Variants in ROCK2 observed in about 807,000 individuals in gnomAD.
ROCK2 encodes the protein rho-associated protein kinase 2.
In ROCK2, 61 loss-of-function variants were observed where a neutral mutation model predicts 195.1. The ratio of observed to expected loss-of-function variants is 0.31; its 90% CI spans 0.25 to 0.39. The LOEUF is 0.39. ROCK2 is among the 10% of genes least tolerant of loss of function. The probability of loss-of-function intolerance (pLI) is 1.00; values close to 1 mark genes in which losing one functional copy is unlikely to be tolerated. For missense variants in ROCK2, 1,109 were observed against 1,637.4 expected, an observed-to-expected ratio of 0.68 and a Z score of 5.57; for synonymous variants, 504 against 545.5, an observed-to-expected ratio of 0.92 and a Z score of 1.06.
chr2:11,294,029 C>T (rs578207679), intron 1 of ROCK2, among the ~76,000 whole-genome samples: 8 of 152,056 alleles, frequency 5.3e-5, no homozygotes, highest in Admixed American at 2.0e-4. Context: ...TGGTGGCGGG[C>T]GCCTGTAGTC....
chr2:11,316,146 G>C (rs770383976), intron 1 of ROCK2, among the ~76,000 whole-genome samples: 5 of 152,012 alleles, frequency 3.3e-5, no homozygotes, highest in Non-Finnish European at 7.4e-5. Flanking sequence ...TGAGAAGTTG[G>C]AAAATGGGTA....
At chr2:11,186,936 C>A (rs1231789260) in intron 32 of ROCK2, among the ~76,000 whole-genome samples, 2 of 152,158 alleles carry the variant, frequency 1.3e-5, no homozygotes, top group Non-Finnish European at 2.9e-5. Flanking sequence ...ATATTATAAA[C>A]AGCATTTTAC....
intron 9 of ROCK2, among the ~76,000 whole-genome samples, chr2:11,219,789 A>G (rs1270250360): frequency 6.6e-6 from 1 of 151,656 alleles, no homozygotes; most frequent in Non-Finnish European, 1.5e-5. Context: ...TGGCTTCCCA[A>G]TGCCAGGCGG....
chr2:11,207,429 AGAGCCCTGAG>A, intron 20 of ROCK2, among the ~76,000 whole-genome samples: 1 of 152,346 alleles, frequency 6.6e-6, no homozygotes, highest in African/African-American at 2.4e-5. Context: ...AGCTTGAGAA[AGAGCCCTGAG>A]GAGGAATCTA....
chr2:11,331,699 G>C (rs1009478776), intron 1 of ROCK2, among the ~76,000 whole-genome samples: 1 of 152,170 alleles, frequency 6.6e-6, no homozygotes, highest in African/African-American at 2.4e-5. Context: ...GGCCAAGGCG[G>C]GTGGATCACG....
At chr2:11,295,982 GA>G (rs1667505454) in intron 1 of ROCK2, among the ~76,000 whole-genome samples, 1 of 68,052 alleles carries the variant, frequency 1.5e-5, no homozygotes, top group Admixed American at 1.8e-4. Flanking sequence ...GAGAGAGAGA[GA>G]GAGAGAGGAG....
chr2:11,252,520 T>C (rs886728879), intron 3 of ROCK2, among the ~76,000 whole-genome samples: 11 of 152,196 alleles, frequency 7.2e-5, no homozygotes, highest in African/African-American at 2.7e-4. Flanking sequence ...ATTGCAGCAC[T>C]GTTCACAACA....
intron 5 of ROCK2, among the ~76,000 whole-genome samples, chr2:11,233,165 G>GATT (rs1228892547): frequency 8.5e-5 from 13 of 152,166 alleles, no homozygotes; most frequent in Non-Finnish European, 1.8e-4. Flanking sequence ...AGTGAGCTAT[G>GATT]ATTACACCAC....
chr2:11,213,931 T>A (rs1242170097), intron 17 of ROCK2, among the ~76,000 whole-genome samples: 1 of 152,152 alleles, frequency 6.6e-6, no homozygotes, highest in Non-Finnish European at 1.5e-5. Context: ...TTTAGCTGAG[T>A]AAATAAATAA....
In ROCK2 at chr2:11,282,993, G is replaced by A. The variant is rs148749703; in HGVS notation, c.324+3546C>T. On this transcript the variant is annotated intron_variant, in intron 3 of 32. Coordinates refer to ENST00000315872, the MANE Select transcript of ROCK2 (RefSeq NM_004850.5). The stretch of plus-strand genomic sequence containing the variant: ...ATCAAAGAAGATATACAGGCTAGGC[G>A]TGGTGGCTCATGCCTATAATCCCAG... Among the ~76,000 whole-genome samples the A allele has an allele frequency of 1.2e-3, 185 of 152,304 alleles. 1 individual carries two copies. In the East Asian group the frequency reaches 0.013, roughly 10 times the overall value.
Position 11,344,120 on chromosome 2 carries a change from G to C in ROCK2, c.17C>G (p.Pro6Arg). 1 of 1,475,714 alleles carries C rather than the reference G, an allele frequency of 6.8e-7. No individual in the cohort carries two copies. The highest frequency in any genetic ancestry group is 8.9e-7 in the Non-Finnish European group (1 of 1,120,178). The allele number at this position is 1,475,714 out of a possible 1,614,324, so 91.4% of individuals were successfully genotyped here. Residue 6 changes from proline to arginine, a missense_variant, in exon 1 of 33, where the codon CCG becomes CGG. Around this residue, in one of 6 missense-constraint regions of ROCK2, gnomAD observed 64 missense variants for 62.4 expected, o/e 1.03. Coordinates refer to ENST00000315872, the MANE Select transcript of ROCK2 (RefSeq NM_004850.5). The surrounding 1 kb of genome is among the most constrained non-coding windows in gnomAD (Gnocchi z 5.4). ...GGGGGCGCCGGGCATTTTCCCCGTC[G>C]GCGGGGGCCGGCTCATGCCGCCACC... MSRPP[P>R]TGKMPGAPET... is the part of the protein sequence containing the mutation.
chr2:11,189,592 G>A (rs1663336857), intron 32 of ROCK2, among the ~76,000 whole-genome samples: 2 of 152,148 alleles, frequency 1.3e-5, no homozygotes, highest in African/African-American at 2.4e-5. Flanking sequence ...TCCTTCGCTT[G>A]CTACATAATA....
chr2:11,304,588 T>G (rs954958386), intron 1 of ROCK2, among the ~76,000 whole-genome samples: 2 of 152,228 alleles, frequency 1.3e-5, no homozygotes, highest in Non-Finnish European at 2.9e-5. Flanking sequence ...TCAATGGAAC[T>G]CAGAGAATGA....
rs747939114 is a variant in ROCK2 at position 11,227,236 on chromosome 2, G to A, written c.868+18C>T. The A allele has an allele frequency of 5.2e-5, 83 of 1,594,676 alleles. 1 individual carries two copies. In the African/African-American group the frequency reaches 8.8e-4, roughly 17 times the overall value. ...TATAAGAAGCATTTTGAAAAAAGAAGTTAAAATATTTACTTACCCACTAGC... is the reference window on the plus strand; with the variant it reads ...TATAAGAAGCATTTTGAAAAAAGAAATTAAAATATTTACTTACCCACTAGC... On this transcript the variant is annotated intron_variant, in intron 6 of 32. Transcript: ENST00000315872.
At position 11,240,959 on chromosome 2, in the gene ROCK2, A is replaced by C. The variant is rs184722850; in HGVS notation, c.463-4997T>G. Among the ~76,000 whole-genome samples, 340 of 152,330 alleles carry C rather than the reference A, an allele frequency of 2.2e-3. 3 individuals carry two copies. The highest frequency in any genetic ancestry group is 8.0e-3 in the African/African-American group (331 of 41,574). On this transcript the variant is annotated intron_variant, in intron 4 of 32. Transcript: ENST00000315872. ...CCGTATATATTTTCCATCAGAGTAAAGACAACTCTAAATTTACCACAGCTC... is the reference window on the plus strand; with the variant it reads ...CCGTATATATTTTCCATCAGAGTAACGACAACTCTAAATTTACCACAGCTC...
intron 5 of ROCK2, among the ~76,000 whole-genome samples, chr2:11,230,166 C>T (rs995416396): frequency 1.5e-4 from 23 of 152,270 alleles, no homozygotes; most frequent in African/African-American, 4.6e-4. Flanking sequence ...ATGAGCACAT[C>T]TAGCACCCAA....
intron 3 of ROCK2, among the ~76,000 whole-genome samples, chr2:11,278,404 T>G (rs1572351288): frequency 6.6e-6 from 1 of 152,252 alleles, no homozygotes; most frequent in African/African-American, 2.4e-5. Flanking sequence ...ATTTCTTCCT[T>G]TTGTAAGGCT....
intron 1 of ROCK2, among the ~76,000 whole-genome samples, chr2:11,335,919 T>C (rs73915165): frequency 0.023 from 3,438 of 152,326 alleles, 62 homozygotes; most frequent in East Asian, 0.053. Flanking sequence ...AGTGAAACGA[T>C]TGATAATTGT....
intron 1 of ROCK2, chr2:11,308,638 T>G: frequency 2.1e-6 from 3 of 1,442,846 alleles, no homozygotes; most frequent in Non-Finnish European, 2.9e-6. Context: ...CTGTGCAAGA[T>G]ACTCCTGTGG....
Sources: allele counts gnomAD v4.1 joint callset (sites outside exome capture counted in the v4.1 genomes callset), GRCh38; gene constraint gnomAD v4.1.1; regional missense constraint gnomAD v4.1.1; non-coding constraint Gnocchi (gnomAD v3.1); transcripts MANE v1.5; gene names NCBI Gene and HGNC (gene_info 2026-07-23, HGNC 2026-07-21).